TENM2: variants seen among roughly 807,000 people sequenced by gnomAD.
TENM2 encodes the protein teneurin transmembrane protein 2.
Under a neutral mutation model 245.2 loss-of-function variants are expected in TENM2, and 52 were observed. The ratio of observed to expected loss-of-function variants is 0.21; its 90% CI spans 0.17 to 0.27. The LOEUF is 0.27. TENM2 is among the 10% of genes least tolerant of loss of function. The pLI is 1.00. For missense variants in TENM2, 3,046 were observed against 3,666.8 expected, an observed-to-expected ratio of 0.83 and a Z score of 4.37; for synonymous variants, 1,363 against 1,438.9, an observed-to-expected ratio of 0.95 and a Z score of 1.19.
intron 2 of TENM2, among the ~76,000 whole-genome samples, chr5:167,781,184 A>C (rs181952280): frequency 2.1e-4 from 32 of 152,136 alleles, no homozygotes. Context: ...GGTGGCATGC[A>C]CCTGTAGTTA....
At chr5:167,821,315 T>C (rs1429273153) in intron 2 of TENM2, 6 of 152,210 alleles carry the variant, frequency 3.9e-5, no homozygotes, top group Non-Finnish European at 8.8e-5. Context: ...CCTACCGATT[T>C]GGGTAAACTA....
chr5:167,902,897 G>C (rs1775819191), intron 3 of TENM2, among the ~76,000 whole-genome samples: 1 of 152,138 alleles, frequency 6.6e-6, no homozygotes, highest in Admixed American at 6.5e-5. Flanking sequence ...TGTACTCCTG[G>C]GAAAAACAGC....
At chr5:167,437,972 C>T (rs868139738) in intron 2 of TENM2, among the ~76,000 whole-genome samples, 4 of 152,298 alleles carry the variant, frequency 2.6e-5, no homozygotes, top group South Asian at 4.1e-4. Context: ...TTGAAGTTCT[C>T]AGAGTTCCAA....
At chr5:168,170,745 C>T (rs1036103789) in intron 13 of TENM2, among the ~76,000 whole-genome samples, 1 of 152,144 alleles carries the variant, frequency 6.6e-6, no homozygotes, top group African/African-American at 2.4e-5. Context: ...CTCCACACAG[C>T]AGCCAGAGGG....
At chr5:167,488,406 T>G (rs1369063168) in intron 2 of TENM2, among the ~76,000 whole-genome samples, 1 of 152,140 alleles carries the variant, frequency 6.6e-6, no homozygotes, top group East Asian at 1.9e-4. Flanking sequence ...ACTCCCATAT[T>G]GCTAAATCCA....
chr5:168,046,629 G>C (rs577549960), intron 5 of TENM2, among the ~76,000 whole-genome samples: 22 of 152,144 alleles, frequency 1.4e-4, no homozygotes, highest in African/African-American at 4.8e-4. Context: ...GTGCCCATGG[G>C]AGTCAAGACT....
In TENM2 at chr5:168,235,551, A is replaced by G. The variant is rs1479919967; in HGVS notation, c.5520+7421A>G. 2.0e-5 allele frequency among the ~76,000 whole-genome samples: 3 copies of G among 152,372 alleles called. No homozygotes were observed. In the East Asian group the frequency reaches 5.8e-4, roughly 29 times the overall value. ...AAATTGTGGGCTGGGCACAGCCTGT[A>G]ATCCCAGCACTTTGGGAGGCCCAGA... On this transcript the variant is annotated intron_variant, in intron 25 of 28. Coordinates refer to ENST00000518659, the Ensembl canonical transcript of TENM2.
At chr5:167,294,983 C>T (rs959630895) in intron 1 of TENM2, among the ~76,000 whole-genome samples, 1 of 152,226 alleles carries the variant, frequency 6.6e-6, no homozygotes, top group African/African-American at 2.4e-5. Flanking sequence ...ATTTTTATAG[C>T]CCTTAATGGG....
At chr5:167,255,396 G>A in the TENM2 span, among the ~76,000 whole-genome samples, 138 of 152,112 alleles carry the variant, frequency 9.1e-4, no homozygotes, top group African/African-American at 3.0e-3. Flanking sequence ...CTATTTCCAC[G>A]GGGTGATTGC....
At chr5:168,039,930 G>A (rs551687130) in intron 5 of TENM2, among the ~76,000 whole-genome samples, 1 of 152,164 alleles carries the variant, frequency 6.6e-6, no homozygotes, top group East Asian at 1.9e-4. Context: ...GGAGCCCCAC[G>A]CATCCTGAAG....
intron 1 of TENM2, among the ~76,000 whole-genome samples, chr5:167,330,074 A>T (rs1316988464): frequency 6.6e-6 from 1 of 152,182 alleles, no homozygotes; most frequent in Non-Finnish European, 1.5e-5. Context: ...TCTGTCACTT[A>T]CCAGACATAT....
At chr5:167,160,127 A>T in the TENM2 span, among the ~76,000 whole-genome samples, 3 of 152,176 alleles carry the variant, frequency 2.0e-5, no homozygotes, top group Admixed American at 2.0e-4. Flanking sequence ...CAGCCATGTG[A>T]GTTAAGAGTT....
At chr5:168,173,728 A>T (rs1376836312) in intron 13 of TENM2, among the ~76,000 whole-genome samples, 3 of 152,198 alleles carry the variant, frequency 2.0e-5, no homozygotes, top group African/African-American at 7.2e-5. Context: ...GTCTGGTGGG[A>T]GGTAAAATAC....
chr5:167,138,797 G>A, the TENM2 span, among the ~76,000 whole-genome samples: 6,875 of 151,904 alleles, frequency 0.045, 524 homozygotes, highest in African/African-American at 0.16. Context: ...TAATTTTTGT[G>A]TTTTTAGTAG....
the TENM2 span, among the ~76,000 whole-genome samples, chr5:167,101,437 C>T: frequency 6.6e-6 from 1 of 152,104 alleles, no homozygotes; most frequent in African/African-American, 2.4e-5. Context: ...CTTGCTAAGA[C>T]ATTATATTTT....
chr5:167,592,265 G>A (rs374340378), intron 2 of TENM2, among the ~76,000 whole-genome samples: 10 of 152,166 alleles, frequency 6.6e-5, no homozygotes, highest in Admixed American at 1.3e-4. Context: ...CCTTTGTGTC[G>A]TGTTGACATC....
At chr5:167,222,390 G>A in the TENM2 span, among the ~76,000 whole-genome samples, 1 of 152,144 alleles carries the variant, frequency 6.6e-6, no homozygotes, top group African/African-American at 2.4e-5. Flanking sequence ...CTAAAACTTA[G>A]CTCAGTTTTG....
chr5:167,663,640 A>T lies in TENM2; in HGVS notation c.503-212346A>T, dbSNP rs1339926083. ...TCCCATCTTCTATACATTCTTTGCT[A>T]TCTAGAATGTTAATTGGATTTGCAC... On this transcript the variant is annotated intron_variant, in intron 2 of 28. Coordinates refer to ENST00000518659, the Ensembl canonical transcript of TENM2. 4.6e-5 allele frequency among the ~76,000 whole-genome samples: 7 copies of T among 152,170 alleles called. No homozygotes were observed. The East Asian group carries it at 1.4e-3, about 29-fold the overall frequency.
At chr5:167,537,430 T>G (rs1052812791) in intron 2 of TENM2, among the ~76,000 whole-genome samples, 2 of 152,232 alleles carry the variant, frequency 1.3e-5, no homozygotes, top group African/African-American at 2.4e-5. Flanking sequence ...TTTGTGAATA[T>G]GTGCTTAGGA....
Sources: allele counts gnomAD v4.1 joint callset (sites outside exome capture counted in the v4.1 genomes callset), GRCh38; gene constraint gnomAD v4.1.1; transcripts MANE v1.5; gene names NCBI Gene and HGNC (gene_info 2026-07-23, HGNC 2026-07-21).